The following PCDH15 variants were observed in gnomAD, a reference collection of about 807,000 sequenced individuals.
PCDH15 encodes protocadherin related 15.
PCDH15 carries 129 observed loss-of-function variants against 178.5 expected under a neutral mutation model. The ratio of observed to expected loss-of-function variants is 0.72; its 90% CI spans 0.63 to 0.84. The LOEUF is 0.84. Among genes scored for constraint, PCDH15 ranks in the 40% least tolerant of loss-of-function variants. The pLI is 0.00. For missense variants in PCDH15, 2,230 were observed against 2,099.9 expected, an observed-to-expected ratio of 1.06 and a Z score of -1.21; for synonymous variants, 800 against 732.0, an observed-to-expected ratio of 1.09 and a Z score of -1.50.
intron 2 of PCDH15, among the ~76,000 whole-genome samples, chr10:54,640,339 C>A (rs1332112520): frequency 6.6e-6 from 1 of 150,952 alleles, no homozygotes; most frequent in East Asian, 1.9e-4. Flanking sequence ...GGAATACTTA[C>A]TATTATTGCA....
intron 1 of PCDH15, among the ~76,000 whole-genome samples, chr10:54,798,550 T>A (rs1425928792): frequency 6.6e-6 from 1 of 152,060 alleles, no homozygotes; most frequent in Non-Finnish European, 1.5e-5. Flanking sequence ...AGTTCACAAG[T>A]GGTCCCGATA....
intron 3 of PCDH15, among the ~76,000 whole-genome samples, chr10:54,817,963 G>A (rs1215693534): frequency 6.6e-6 from 1 of 151,996 alleles, no homozygotes; most frequent in East Asian, 1.9e-4. Context: ...TCAGAGGGCA[G>A]TATTAGGGAA....
intron 2 of PCDH15, among the ~76,000 whole-genome samples, chr10:55,483,316 TAAAC>T (rs1840224124): frequency 6.6e-6 from 1 of 151,634 alleles, no homozygotes; most frequent in Admixed American, 6.6e-5. Flanking sequence ...GCAAAGTACA[TAAAC>T]AGACTCTTCA....
intron 3 of PCDH15, among the ~76,000 whole-genome samples, chr10:54,856,035 T>C (rs994473838): frequency 2.0e-5 from 3 of 152,238 alleles, no homozygotes; most frequent in African/African-American, 4.8e-5. Flanking sequence ...ATCTTTCTTC[T>C]TTTCCAATTG....
chr10:54,150,018 T>A (rs955569736), intron 14 of PCDH15, among the ~76,000 whole-genome samples: 3 of 152,032 alleles, frequency 2.0e-5, no homozygotes, highest in Non-Finnish European at 4.4e-5. Context: ...AAACCTCTTA[T>A]TGGATATAAA....
intron 8 of PCDH15, among the ~76,000 whole-genome samples, chr10:54,292,762 G>T (rs969155697): frequency 2.0e-5 from 3 of 152,098 alleles, no homozygotes; most frequent in Non-Finnish European, 4.4e-5. Flanking sequence ...ACATACAAGG[G>T]ATGTGAGGGA....
chr10:55,589,418 C>G (rs1245843889), intron 2 of PCDH15, among the ~76,000 whole-genome samples: 1 of 151,986 alleles, frequency 6.6e-6, no homozygotes, highest in African/African-American at 2.4e-5. Flanking sequence ...ATCTTCATGT[C>G]TAAAACACCA....
At chr10:54,687,046 TAAG>T (rs1461896224) in intron 1 of PCDH15, among the ~76,000 whole-genome samples, 6 of 152,238 alleles carry the variant, frequency 3.9e-5, no homozygotes, top group African/African-American at 9.6e-5. Context: ...TCCCTAATGA[TAAG>T]AAGAATGCAA....
intron 3 of PCDH15, among the ~76,000 whole-genome samples, chr10:54,437,465 A>G (rs893892885): frequency 3.9e-5 from 6 of 152,198 alleles, no homozygotes; most frequent in Admixed American, 3.3e-4. Flanking sequence ...ATTAAATGTT[A>G]TAAGTATTAG....
chr10:53,961,525 TGAG>T (rs2088313780), intron 22 of PCDH15, among the ~76,000 whole-genome samples: 2 of 152,060 alleles, frequency 1.3e-5, no homozygotes, highest in South Asian at 4.1e-4. Flanking sequence ...AATGTCATCA[TGAG>T]GATAGAGATC....
At chr10:54,249,415 A>T (rs760573843) in intron 8 of PCDH15, among the ~76,000 whole-genome samples, 61 of 152,178 alleles carry the variant, frequency 4.0e-4, no homozygotes, top group Non-Finnish European at 6.3e-4. Context: ...TTGCTAGTTA[A>T]GCATAAAGTA....
At chr10:54,176,561 GA>G (rs2047462613) in intron 13 of PCDH15, among the ~76,000 whole-genome samples, 1 of 152,162 alleles carries the variant, frequency 6.6e-6, no homozygotes, top group South Asian at 2.1e-4. Context: ...TTCATAACAT[GA>G]AGGGATGTAG....
chr10:53,833,092 G>A (rs1449731819), intron 29 of PCDH15, among the ~76,000 whole-genome samples: 2 of 151,960 alleles, frequency 1.3e-5, no homozygotes, highest in Non-Finnish European at 2.9e-5. Context: ...TTGTTTATTA[G>A]ATAAAGGAAG....
intron 2 of PCDH15, among the ~76,000 whole-genome samples, chr10:55,050,715 T>C (rs1260360800): frequency 6.6e-6 from 1 of 152,058 alleles, no homozygotes; most frequent in Admixed American, 6.5e-5. Flanking sequence ...CTTATCTCTT[T>C]TATATATTGC....
intron 1 of PCDH15, among the ~76,000 whole-genome samples, chr10:54,704,859 T>C (rs189502217): frequency 1.3e-5 from 2 of 152,164 alleles, no homozygotes; most frequent in East Asian, 1.9e-4. Context: ...CATTCTACCA[T>C]AAAGGCACAT....
intron 2 of PCDH15, among the ~76,000 whole-genome samples, chr10:55,613,652 A>T (rs1454513474): frequency 2.6e-5 from 4 of 152,124 alleles, no homozygotes; most frequent in African/African-American, 9.7e-5. Flanking sequence ...ATGTCCTACA[A>T]ACTAAGTGTA....
intron 2 of PCDH15, among the ~76,000 whole-genome samples, chr10:55,405,475 TA>T (rs1328126577): frequency 6.6e-6 from 1 of 151,508 alleles, no homozygotes; most frequent in Non-Finnish European, 1.5e-5. Flanking sequence ...TTTATCTATT[TA>T]CTTCAAATTT....
intron 2 of PCDH15, among the ~76,000 whole-genome samples, chr10:55,483,730 C>T (rs1459406824): frequency 1.3e-5 from 2 of 150,504 alleles, no homozygotes; most frequent in South Asian, 2.1e-4. Context: ...GCAGGAGAAT[C>T]ACTTGAACCT....
intron 23 of PCDH15, among the ~76,000 whole-genome samples, chr10:53,943,317 A>G (rs2086233788): frequency 6.6e-6 from 1 of 151,952 alleles, no homozygotes; most frequent in South Asian, 2.1e-4. Context: ...CTCTACTAAA[A>G]ATATAAAAAT....
Sources: allele counts gnomAD v4.1 joint callset (sites outside exome capture counted in the v4.1 genomes callset), GRCh38; gene constraint gnomAD v4.1.1; transcripts MANE v1.5; gene names NCBI Gene and HGNC (gene_info 2026-07-23, HGNC 2026-07-21).